MSRB3: variants seen among roughly 807,000 people sequenced by gnomAD.
MSRB3 encodes methionine-R-sulfoxide reductase B3.
In MSRB3, 13 loss-of-function variants were observed where a neutral mutation model predicts 21.0. The observed-to-expected ratio is 0.62, with a 90% CI of 0.40 to 0.98. MSRB3 has a LOEUF of 0.98. MSRB3 is among the 50% of genes least tolerant of loss of function. The pLI is 0.00. For synonymous variants in MSRB3, 87 were observed against 88.6 expected (o/e 0.98, Z 0.10); for missense variants, 199 against 230.3 (o/e 0.86, Z 0.88).
chr12:65,452,566 T>C (rs903467478), intron 5 of MSRB3, among the ~76,000 whole-genome samples: 1 of 152,186 alleles, frequency 6.6e-6, no homozygotes, highest in Non-Finnish European at 1.5e-5. Context: ...TGGTGCTTTG[T>C]AGCAATTTTG....
intron 5 of MSRB3, among the ~76,000 whole-genome samples, chr12:65,381,539 T>C (rs1211741339): frequency 6.6e-6 from 1 of 152,156 alleles, no homozygotes; most frequent in African/African-American, 2.4e-5. Flanking sequence ...TGTACAAATG[T>C]AGCAAAACTA....
chr12:65,450,971 A>C (rs1391510137), intron 5 of MSRB3, among the ~76,000 whole-genome samples: 2 of 151,906 alleles, frequency 1.3e-5, no homozygotes, highest in Non-Finnish European at 2.9e-5. Context: ...GTCATTAAGT[A>C]CTTACCTTTC....
intron 4 of MSRB3, among the ~76,000 whole-genome samples, chr12:65,348,418 G>T (rs1333818251): frequency 2.0e-5 from 3 of 152,088 alleles, no homozygotes; most frequent in African/African-American, 7.2e-5. Context: ...ATTTCTGTGG[G>T]ATCGGTGGTG....
intron 4 of MSRB3, among the ~76,000 whole-genome samples, chr12:65,337,413 A>T (rs1875849132): frequency 8.1e-6 from 1 of 123,680 alleles, no homozygotes; most frequent in African/African-American, 3.1e-5. Context: ...CAGCCTGGTG[A>T]CAGAGTGAGA....
At chr12:65,437,257 T>C (rs917242037) in intron 5 of MSRB3, among the ~76,000 whole-genome samples, 13 of 151,854 alleles carry the variant, frequency 8.6e-5, no homozygotes, top group Non-Finnish European at 1.8e-4. Flanking sequence ...AGGAGATTTA[T>C]GGACTTCAAG....
At chr12:65,328,640 A>G in intron 4 of MSRB3, 37 bp downstream of exon 4, 1 of 1,353,336 alleles carries the variant, frequency 7.4e-7, no homozygotes, top group Non-Finnish European at 1.1e-6. Context: ...TGGCTGTATC[A>G]TAGATGGCAG....
intron 5 of MSRB3, among the ~76,000 whole-genome samples, chr12:65,407,206 A>C (rs557496755): frequency 6.6e-6 from 1 of 152,218 alleles, no homozygotes; most frequent in Non-Finnish European, 1.5e-5. Flanking sequence ...ACACAATGGG[A>C]AAGGACAGTC....
At chr12:65,437,358 T>C (rs1454342932) in intron 5 of MSRB3, among the ~76,000 whole-genome samples, 1 of 151,908 alleles carries the variant, frequency 6.6e-6, no homozygotes, top group Non-Finnish European at 1.5e-5. Flanking sequence ...TGCATCACTG[T>C]TCGTGACAGG....
intron 4 of MSRB3, among the ~76,000 whole-genome samples, chr12:65,367,185 A>G (rs1357321297): frequency 6.6e-6 from 1 of 152,226 alleles, no homozygotes; most frequent in African/African-American, 2.4e-5. Flanking sequence ...GATATAGTCT[A>G]TACATCTTTT....
chr12:65,403,710 C>A (rs1436941122), intron 5 of MSRB3, among the ~76,000 whole-genome samples: 1 of 152,166 alleles, frequency 6.6e-6, no homozygotes, highest in Non-Finnish European at 1.5e-5. Flanking sequence ...CAGTTTTGTG[C>A]TTGAATCTCA....
At chr12:65,398,215 C>T (rs991139041) in intron 5 of MSRB3, among the ~76,000 whole-genome samples, 8 of 152,190 alleles carry the variant, frequency 5.3e-5, no homozygotes. Flanking sequence ...ACTAAATTTA[C>T]ACTCCTACCA....
At chr12:65,381,580 C>T (rs1243976008) in intron 5 of MSRB3, among the ~76,000 whole-genome samples, 1 of 152,024 alleles carries the variant, frequency 6.6e-6, no homozygotes, top group Non-Finnish European at 1.5e-5. Flanking sequence ...TCAAAATATT[C>T]TAGTAAAAAT....
chr12:65,329,695 A>C (rs1875286590), intron 4 of MSRB3, among the ~76,000 whole-genome samples: 1 of 152,102 alleles, frequency 6.6e-6, no homozygotes, highest in Non-Finnish European at 1.5e-5. Flanking sequence ...GGAATTACAG[A>C]GTTTCTTAGG....
intron 5 of MSRB3, among the ~76,000 whole-genome samples, chr12:65,408,158 G>A (rs917406545): frequency 3.3e-5 from 5 of 151,760 alleles, no homozygotes; most frequent in African/African-American, 4.8e-5. Flanking sequence ...GCAATGGTGC[G>A]ATCTCAGCTC....
intron 4 of MSRB3, among the ~76,000 whole-genome samples, chr12:65,333,218 C>T (rs930064136): frequency 3.3e-5 from 5 of 152,110 alleles, no homozygotes; most frequent in Non-Finnish European, 5.9e-5. Context: ...TTTTCCTCAA[C>T]GTACTTACTT....
At chr12:65,287,236 C>T (rs1316059617) in intron 1 of MSRB3, among the ~76,000 whole-genome samples, 2 of 150,882 alleles carry the variant, frequency 1.3e-5, no homozygotes, top group Admixed American at 1.3e-4. Flanking sequence ...GATCCTCCCA[C>T]CTCAGCCTCC....
chr12:65,389,300 A>C (rs1879348175), intron 5 of MSRB3, among the ~76,000 whole-genome samples: 1 of 151,622 alleles, frequency 6.6e-6, no homozygotes, highest in Admixed American at 6.6e-5. Context: ...TTTATCCTCA[A>C]ATCTCTTCAC....
chr12:65,394,654 G>T (rs1207171909), intron 5 of MSRB3, among the ~76,000 whole-genome samples: 1 of 152,140 alleles, frequency 6.6e-6, no homozygotes, highest in African/African-American at 2.4e-5. Flanking sequence ...AAAACTGTAG[G>T]TCAATGTCTT....
chr12:65,331,839 G>A (rs1875443506), intron 4 of MSRB3, among the ~76,000 whole-genome samples: 1 of 152,238 alleles, frequency 6.6e-6, no homozygotes, highest in East Asian at 1.9e-4. Context: ...TCACATAACA[G>A]GAGCCTGGCA....
Sources: gnomAD v4.1 joint callset for allele counts (sites outside exome capture counted in the v4.1 genomes callset) on GRCh38, gnomAD v4.1.1 for gene constraint, MANE v1.5 for transcripts, NCBI Gene and HGNC (gene_info 2026-07-23, HGNC 2026-07-21) for gene names.